EDC3: variants seen among roughly 807,000 people sequenced by gnomAD.
EDC3 encodes the protein enhancer of mRNA-decapping protein 3.
A neutral mutation model predicts 41.8 loss-of-function variants in EDC3; 20 were observed. That is an observed-to-expected ratio of 0.48 (90% CI 0.34 to 0.70). EDC3 has a LOEUF of 0.70. Ranked by LOEUF, EDC3 falls within the 30% of genes least tolerant of loss-of-function variation. The probability of loss-of-function intolerance (pLI) is 0.01; values close to 1 mark genes in which losing one functional copy is unlikely to be tolerated. For missense variants in EDC3, 444 were observed against 636.8 expected, an observed-to-expected ratio of 0.70 and a Z score of 3.26; for synonymous variants, 206 against 243.2, an observed-to-expected ratio of 0.85 and a Z score of 1.42.
chr15:74,652,231 CTT>C (rs1458703072), intron 4 of EDC3, among the ~76,000 whole-genome samples: 12 of 143,264 alleles, frequency 8.4e-5, no homozygotes, highest in Non-Finnish European at 9.2e-5. Context: ...TATATTTTTC[CTT>C]TTTTTTTTTT....
intron 2 of EDC3, 115 bp downstream of exon 2, chr15:74,674,846 C>T (rs1462678770): frequency 4.1e-6 from 5 of 1,224,796 alleles, no homozygotes; most frequent in Non-Finnish European, 5.8e-6. Context: ...GAAACCCCAT[C>T]TCTACTAAAA....
At chr15:74,668,588 C>T (rs1285807538) in intron 3 of EDC3, among the ~76,000 whole-genome samples, 6 of 152,048 alleles carry the variant, frequency 3.9e-5, no homozygotes, top group Admixed American at 3.9e-4. Flanking sequence ...GGTATGGTGG[C>T]ACACACCTGT....
In EDC3 at chr15:74,671,557, C is replaced by T; in HGVS notation, c.382G>A (p.Val128Ile). The change falls in exon 3 of 7, where the codon GTT (valine) becomes ATT (isoleucine). Residue 128 changes from valine to isoleucine, a missense_variant. Around this residue, in one of 3 missense-constraint regions of EDC3, gnomAD observed 200 missense variants for 244.0 expected, o/e 0.82. Transcript: ENST00000315127. The surrounding 1 kb of genome is among the most constrained non-coding windows in gnomAD (Gnocchi z 4.6). ...PKRTDVKSQD[V>I]AVSPQQQQCS... ...TGTTGCTGCTGCGGGGAAACGGCAA[C>T]ATCCTGGCTCTTCACATCTGTCCTC... is the stretch of plus-strand genomic sequence containing the variant. 1 of 1,614,216 alleles carries T rather than the reference C, an allele frequency of 6.2e-7. No individual in the cohort carries two copies. Among genetic ancestry groups the T allele is most frequent in the Non-Finnish European group, 8.5e-7 (1 of 1,180,044 alleles).
chr15:74,653,673 G>C (rs1169937772), intron 4 of EDC3, among the ~76,000 whole-genome samples: 1 of 152,158 alleles, frequency 6.6e-6, no homozygotes, highest in Non-Finnish European at 1.5e-5. Context: ...CCAAGTTTCT[G>C]GCTAAGGACC....
chr15:74,683,980 AG>A (rs2062904378), intron 1 of EDC3, among the ~76,000 whole-genome samples: 1 of 151,654 alleles, frequency 6.6e-6, no homozygotes. Flanking sequence ...CACAGAGCTC[AG>A]GAGTTTGAGG....
At chr15:74,670,010 A>ATTTTTTTTTTTT (rs757043746) in intron 3 of EDC3, among the ~76,000 whole-genome samples, 1 of 116,362 alleles carries the variant, frequency 8.6e-6, no homozygotes, top group African/African-American at 3.5e-5. Context: ...CGCCCAGCTA[A>ATTTTTTTTTTTT]TTTTTTTTTT....
chr15:74,640,438 G>C (rs2062335327), intron 5 of EDC3, 28 bp downstream of exon 5: 1 of 1,610,906 alleles, frequency 6.2e-7, no homozygotes, highest in Non-Finnish European at 8.5e-7. Flanking sequence ...ACTCCACATT[G>C]AGTCCCTGCC....
At chr15:74,685,753 AAT>A (rs1192729357) in intron 1 of EDC3, among the ~76,000 whole-genome samples, 1 of 152,228 alleles carries the variant, frequency 6.6e-6, no homozygotes, top group Admixed American at 6.5e-5. Flanking sequence ...ATAGCAGATG[AAT>A]ATAAATACAC....
chr15:74,681,450 G>A (rs2141669429), intron 1 of EDC3, among the ~76,000 whole-genome samples: 1 of 152,182 alleles, frequency 6.6e-6, no homozygotes, highest in Non-Finnish European at 1.5e-5. Flanking sequence ...ACGCCTGGCT[G>A]CTAAATCAAT....
At chr15:74,680,301 C>G (rs1425594420) in intron 1 of EDC3, among the ~76,000 whole-genome samples, 1 of 150,658 alleles carries the variant, frequency 6.6e-6, no homozygotes, top group Admixed American at 6.6e-5. Flanking sequence ...TACACCACAC[C>G]CAGGTGGAGT....
chr15:74,682,001 T>C (rs2062875342), intron 1 of EDC3, among the ~76,000 whole-genome samples: 1 of 152,206 alleles, frequency 6.6e-6, no homozygotes, highest in Non-Finnish European at 1.5e-5. Flanking sequence ...AAAGGAGTAG[T>C]ATCTAGGAAA....
At chr15:74,648,958 A>G (rs1031214644) in intron 4 of EDC3, among the ~76,000 whole-genome samples, 104 of 152,020 alleles carry the variant, frequency 6.8e-4, no homozygotes, top group African/African-American at 2.4e-3. Flanking sequence ...GGATCTTGCT[A>G]TGTTGCCCAG....
intron 3 of EDC3, among the ~76,000 whole-genome samples, chr15:74,668,729 T>TGAATGAAAGAAAGAAAGAAAGAAAGAAA (rs1555455855): frequency 1.7e-4 from 24 of 140,354 alleles, no homozygotes; most frequent in South Asian, 1.7e-3. Flanking sequence ...CAAAAATGAA[T>TGAATGAAAGAAAGAAAGAAAGAAAGAAA]GAAAGAAAGA....
intron 6 of EDC3, among the ~76,000 whole-genome samples, chr15:74,634,713 A>C (rs1415517552): frequency 1.3e-5 from 2 of 152,010 alleles, no homozygotes; most frequent in East Asian, 3.9e-4. Flanking sequence ...TTAGAAACTA[A>C]CTACCTTCAC....
At chr15:74,664,736 AG>A (rs1399442105) in intron 3 of EDC3, among the ~76,000 whole-genome samples, 14 of 152,210 alleles carry the variant, frequency 9.2e-5, no homozygotes, top group African/African-American at 2.9e-4. Context: ...AGCACATCCA[AG>A]GAAGTTTAAA....
chr15:74,675,271 G>A, intron 1 of EDC3, 129 bp from the exon 2 acceptor site: 3 of 780,170 alleles, frequency 3.8e-6, no homozygotes, highest in Admixed American at 2.8e-5. Flanking sequence ...TGTTAACTGA[G>A]GTAATAAATC....
rs994808949 is a variant in EDC3, at chr15:74,663,320, TAAAGAA to T, written c.485-7258_485-7253del. ...AAATAAATAAATAAAAAATAAAATG[TAAAGAA>T]AAAGAAAAAGAAAAGCATAAGTTGC... On this transcript the variant is annotated intron_variant, in intron 3 of 6. Coordinates refer to ENST00000315127, the MANE Select transcript of EDC3 (RefSeq NM_025083.5). Among the ~76,000 whole-genome samples, 129 of 151,952 alleles carry T rather than the reference TAAAGAA, an allele frequency of 8.5e-4. 1 individual carries two copies. The highest frequency in any genetic ancestry group is 3.4e-3 in the Middle Eastern group (1 of 294).
At position 74,690,175 on chromosome 15, in the gene EDC3, TC is replaced by T. The variant is rs11287603; in HGVS notation, c.-19+5704del. On this transcript the variant is annotated intron_variant, in intron 1 of 6. Coordinates refer to ENST00000315127, the MANE Select transcript of EDC3 (RefSeq NM_025083.5). ...TTTGCCAACTTGTTATTAAAATCTA[TC>T]CTAACAATCTGTGTAGCTAGGAAGG... Among the ~76,000 whole-genome samples, 825 of 152,340 alleles carry T rather than the reference TC, an allele frequency of 5.4e-3. 4 individuals carry two copies. Among genetic ancestry groups the T allele is most frequent in the South Asian group, 0.018 (87 of 4,826 alleles).
At chr15:74,662,404 GAAAT>G (rs1596317611) in intron 3 of EDC3, among the ~76,000 whole-genome samples, 1 of 148,084 alleles carries the variant, frequency 6.8e-6, no homozygotes, top group East Asian at 2.0e-4. Context: ...GCTGAATTAA[GAAAT>G]AAAAACAGCA....
Sources: allele counts gnomAD v4.1 joint callset (sites outside exome capture counted in the v4.1 genomes callset), GRCh38; gene constraint gnomAD v4.1.1; regional missense constraint gnomAD v4.1.1; non-coding constraint Gnocchi (gnomAD v3.1); transcripts MANE v1.5; gene names NCBI Gene and HGNC (gene_info 2026-07-23, HGNC 2026-07-21).